The following LDLRAD3 variants were observed in gnomAD, a reference collection of about 807,000 sequenced individuals.
The protein encoded by LDLRAD3 is low-density lipoprotein receptor class A domain-containing protein 3.
In LDLRAD3, 20 loss-of-function variants were observed where a neutral mutation model predicts 29.4. The ratio of observed to expected loss-of-function variants is 0.68; its 90% CI spans 0.48 to 0.99. LDLRAD3 has a LOEUF of 0.99. Ranked by LOEUF, LDLRAD3 falls within the 50% of genes least tolerant of loss-of-function variation. The pLI is 0.00. For synonymous variants in LDLRAD3, 157 were observed against 192.7 expected, an observed-to-expected ratio of 0.81 and a Z score of 1.53; for missense variants, 420 against 454.3, an observed-to-expected ratio of 0.92 and a Z score of 0.69.
At chr11:35,960,948 G>A (rs1012002312) in intron 1 of LDLRAD3, among the ~76,000 whole-genome samples, 8 of 152,332 alleles carry the variant, frequency 5.3e-5, no homozygotes, top group Admixed American at 3.9e-4. Context: ...GTGGTGGGCT[G>A]TGGCCAGGCC....
rs1852621121 is a variant in LDLRAD3 at position 36,056,378 on chromosome 11, A to G, written c.193+20129A>G. 2.0e-5 allele frequency among the ~76,000 whole-genome samples: 3 copies of G among 152,160 alleles called. No homozygotes were observed. In the South Asian group the frequency reaches 6.2e-4, roughly 32 times the overall value. ...GCATGGATGATCTCATTCAGTCCTC[A>G]CATCACCTAAGTTCTGCTAGTATCC... On this transcript the variant is annotated intron_variant, in intron 2 of 5. Transcript: ENST00000315571.
At chr11:36,225,968 T>C (rs2133393162) in intron 4 of LDLRAD3, among the ~76,000 whole-genome samples, 1 of 152,092 alleles carries the variant, frequency 6.6e-6, no homozygotes, top group South Asian at 2.1e-4. Context: ...CTTGGGAGGC[T>C]GAGGTGAGAG....
intron 4 of LDLRAD3, among the ~76,000 whole-genome samples, chr11:36,185,347 T>C (rs760773283): frequency 2.0e-5 from 3 of 152,214 alleles, no homozygotes; most frequent in Non-Finnish European, 4.4e-5. Context: ...ATAGTACTTT[T>C]AGAAGGAGAC....
chr11:36,040,914 G>T (rs1852373390), intron 2 of LDLRAD3, among the ~76,000 whole-genome samples: 1 of 151,960 alleles, frequency 6.6e-6, no homozygotes, highest in Non-Finnish European at 1.5e-5. Context: ...AAATTATCTA[G>T]CTAGATTGAG....
rs1854171697 is a variant in LDLRAD3, at chr11:36,145,340, G to T, written c.454+46879G>T. On this transcript the variant is annotated intron_variant, in intron 4 of 5. Transcript: ENST00000315571. ...CCGGCCACCCCTACTGGGAAGTGAG[G>T]AGCCCCTCTGCCCGGCCAGCCGCCC... Among the ~76,000 whole-genome samples, 11 of 96,220 alleles carry T rather than the reference G, an allele frequency of 1.1e-4. 1 individual carries two copies. In the South Asian group the frequency reaches 4.3e-3, roughly 38 times the overall value. 63.1% of individuals were successfully genotyped at this position (96,220 alleles called of 152,430 possible).
At chr11:36,054,566 T>A (rs1852577965) in intron 2 of LDLRAD3, among the ~76,000 whole-genome samples, 1 of 152,268 alleles carries the variant, frequency 6.6e-6, no homozygotes, top group Admixed American at 6.5e-5. Flanking sequence ...TGCTGGCTAT[T>A]TACAGGATTG....
chr11:36,086,721 G>A (rs567811229), intron 3 of LDLRAD3, among the ~76,000 whole-genome samples: 22 of 152,244 alleles, frequency 1.4e-4, no homozygotes, highest in Middle Eastern at 6.8e-3. Context: ...CGGTAAACTC[G>A]CCACCATTTT....
At chr11:36,120,624 C>T (rs929709089) in intron 4 of LDLRAD3, among the ~76,000 whole-genome samples, 2 of 152,058 alleles carry the variant, frequency 1.3e-5, no homozygotes, top group African/African-American at 4.8e-5. Context: ...GTTAATTTGC[C>T]CTGGGTCACT....
intron 4 of LDLRAD3, among the ~76,000 whole-genome samples, chr11:36,160,506 T>C (rs1854423364): frequency 6.6e-6 from 1 of 152,122 alleles, no homozygotes; most frequent in African/African-American, 2.4e-5. Context: ...AAAAATAAAA[T>C]ATGGTTCCTG....
intron 1 of LDLRAD3, among the ~76,000 whole-genome samples, chr11:35,951,226 A>G (rs955143904): frequency 2.0e-5 from 3 of 152,156 alleles, no homozygotes; most frequent in Admixed American, 6.5e-5. Context: ...CCCTTAAGTA[A>G]CTACTGTGAA....
At chr11:35,969,355 T>C (rs950927242) in intron 1 of LDLRAD3, among the ~76,000 whole-genome samples, 53 of 152,144 alleles carry the variant, frequency 3.5e-4, no homozygotes, top group Non-Finnish European at 7.3e-4. Context: ...GGTTAATGGG[T>C]CCCAGGTTCT....
intron 4 of LDLRAD3, among the ~76,000 whole-genome samples, chr11:36,157,799 G>T (rs1854376414): frequency 1.3e-5 from 2 of 152,150 alleles, no homozygotes; most frequent in African/African-American, 2.4e-5. Flanking sequence ...GGTGGTTGAG[G>T]AAACATCTTT....
At chr11:36,207,402 T>G (rs901309485) in intron 4 of LDLRAD3, among the ~76,000 whole-genome samples, 1 of 152,128 alleles carries the variant, frequency 6.6e-6, no homozygotes, top group Non-Finnish European at 1.5e-5. Context: ...CTGGGTGTGG[T>G]TTTTCCCACC....
chr11:36,170,246 G>GTATA (rs557747585), intron 4 of LDLRAD3, among the ~76,000 whole-genome samples: 4 of 147,886 alleles, frequency 2.7e-5, no homozygotes, highest in African/African-American at 1.0e-4. Flanking sequence ...GTATGTGTGT[G>GTATA]TATATATATA....
intron 4 of LDLRAD3, among the ~76,000 whole-genome samples, chr11:36,119,851 A>C (rs1303533284): frequency 6.6e-6 from 1 of 152,154 alleles, no homozygotes; most frequent in East Asian, 1.9e-4. Flanking sequence ...CAACTCATCT[A>C]TTTTGTTGTT....
intron 2 of LDLRAD3, among the ~76,000 whole-genome samples, chr11:36,058,116 T>G (rs1852648110): frequency 6.6e-6 from 1 of 152,210 alleles, no homozygotes; most frequent in African/African-American, 2.4e-5. Context: ...AGATTGCACA[T>G]GAAATCAAGT....
At chr11:36,137,018 A>G (rs553528073) in intron 4 of LDLRAD3, among the ~76,000 whole-genome samples, 1 of 152,168 alleles carries the variant, frequency 6.6e-6, no homozygotes, top group Non-Finnish European at 1.5e-5. Flanking sequence ...AATTACCCAG[A>G]CTCAGGTATT....
chr11:36,001,924 T>G (rs1851830463), intron 1 of LDLRAD3, among the ~76,000 whole-genome samples: 1 of 152,176 alleles, frequency 6.6e-6, no homozygotes, highest in African/African-American at 2.4e-5. Flanking sequence ...AGTTTTAAAA[T>G]TATTAGCTTT....
intron 1 of LDLRAD3, among the ~76,000 whole-genome samples, chr11:36,000,328 T>C (rs1851808153): frequency 6.6e-6 from 1 of 150,740 alleles, no homozygotes; most frequent in Admixed American, 6.6e-5. Context: ...GTGTTTTATG[T>C]CTGTACACAC....
Sources: gnomAD v4.1 joint callset for allele counts (sites outside exome capture counted in the v4.1 genomes callset) on GRCh38, gnomAD v4.1.1 for gene constraint, MANE v1.5 for transcripts, NCBI Gene and HGNC (gene_info 2026-07-23, HGNC 2026-07-21) for gene names.